DBP: variants seen among roughly 807,000 people sequenced by gnomAD.
DBP encodes the protein D-box binding PAR bZIP transcription factor, also known as D site-binding protein.
Under a neutral mutation model 21.4 loss-of-function variants are expected in DBP, and 12 were observed. The observed-to-expected ratio is 0.56, with a 90% CI of 0.36 to 0.91. The LOEUF is 0.91. Ranked by LOEUF, DBP falls within the 40% of genes least tolerant of loss-of-function variation. The pLI, the probability that DBP is intolerant of heterozygous loss-of-function variation, is 0.01. For missense variants in DBP, 423 were observed against 473.4 expected (o/e 0.89, Z 0.99); for synonymous variants, 213 against 224.9 (o/e 0.95, Z 0.47).
chr19:48,636,816 T>G, intron 1 of DBP, 40 bp downstream of exon 1: 1 of 1,605,426 alleles, frequency 6.2e-7, no homozygotes, highest in Admixed American at 1.7e-5. Context: ...CCTAAGGGGG[T>G]AGGGTGTCCG....
At chr19:48,634,735 C>CT in intron 2 of DBP, 1 of 985,582 alleles carries the variant, frequency 1.0e-6, no homozygotes, top group Non-Finnish European at 1.2e-6. Flanking sequence ...GGGTAGGGCC[C>CT]TGGTTCGGCC....
chr19:48,633,348 AAGG>A (rs1294890313), intron 3 of DBP, 93 bp downstream of exon 3: 10 of 1,313,386 alleles, frequency 7.6e-6, no homozygotes, highest in African/African-American at 2.9e-5. Flanking sequence ...CACTAATCCC[AAGG>A]AGAAGCCCAG....
chr19:48,635,448 C>T, intron 2 of DBP, 132 bp downstream of exon 2: 1 of 1,478,154 alleles, frequency 6.8e-7, no homozygotes, highest in South Asian at 1.2e-5. Context: ...TCCCACGACA[C>T]CTCTCGACAA....
chr19:48,630,255 C>A lies in DBP; in HGVS notation c.*582G>T, dbSNP rs538877340. Reference sequence around the variant, plus strand: ...CCAGGAGGGGCAGGTTCCCCGGGGCCGGCGCTAGGATTTGCACTAATGTTC... The same window carrying A: ...CCAGGAGGGGCAGGTTCCCCGGGGCAGGCGCTAGGATTTGCACTAATGTTC... On this transcript the variant is annotated 3_prime_UTR_variant, in exon 4 of 4. Coordinates refer to ENST00000222122, the MANE Select transcript of DBP (RefSeq NM_001352.5). The surrounding 1 kb of genome is among the most constrained non-coding windows in gnomAD (Gnocchi z 4.9). The A allele has an allele frequency of 7.8e-7, 1 of 1,275,476 alleles. No individual in the cohort carries two copies. The highest frequency in any genetic ancestry group is 2.8e-5 in the South Asian group (1 of 35,524). The allele number at this position is 1,275,476 out of a possible 1,614,324, so 79.0% of individuals were successfully genotyped here. A position where few individuals can be genotyped will look rare whatever the true frequency, so the allele number is the denominator to read the frequency against.
Position 48,636,856 on chromosome 19 carries a change from A to C in DBP, c.139T>G (p.Cys47Gly), listed in dbSNP as rs1424767153. ...GGGTGAGATGGGGGTTAGAACTCACAGCTGGCCGGCTCTTTGGGCTTGCTG... is the reference window on the plus strand; with the variant it reads ...GGGTGAGATGGGGGTTAGAACTCACCGCTGGCCGGCTCTTTGGGCTTGCTG... ...GTSKPKEPAS[C>G]LLKEKERKAA... Residue 47 changes from cysteine (C) to glycine (G), a missense_variant and splice_region_variant, in exon 1 of 4, where the codon TGT (cysteine) becomes GGT (glycine). Transcript: ENST00000222122. 6.2e-7 allele frequency: 1 copy of C among 1,611,014 alleles called. No individual in the cohort carries two copies. Among genetic ancestry groups the C allele is most frequent in the East Asian group, 2.2e-5 (1 of 44,688 alleles).
In DBP at chr19:48,637,118, A is replaced by G; in HGVS notation, c.-124T>C. 1 of 857,016 alleles carries G rather than the reference A, an allele frequency of 1.2e-6. No homozygotes were observed. The highest frequency in any genetic ancestry group is 1.7e-6 in the Non-Finnish European group (1 of 586,872). The allele number at this position is 857,016 out of a possible 1,614,324, so 53.1% of individuals were successfully genotyped here. On this transcript the variant is annotated 5_prime_UTR_variant, in exon 1 of 4. Coordinates refer to ENST00000222122, the MANE Select transcript of DBP (RefSeq NM_001352.5). Reference sequence around the variant, plus strand: ...CAGGGGCGGGCGAGTGTAGCCTGCAACCCTCCAGTATCCAGAACGCTGCAA... The same window carrying G: ...CAGGGGCGGGCGAGTGTAGCCTGCAGCCCTCCAGTATCCAGAACGCTGCAA...
In DBP at chr19:48,635,592, C is replaced by T. The variant is rs898529606; in HGVS notation, c.538G>A (p.Gly180Ser). ...CCCTTCGCCGCACCTGCGCGGTGGC[C>T]GCTGGCGGTCCCGAGGGCAGCCCGG... ...PARAALGTAS[G>S]HRAGLTSRDT... is the part of the protein sequence containing the mutation. The change falls in exon 2 of 4, where the codon GGC becomes AGC. Residue 180 changes from glycine to serine, a missense_variant. Coordinates refer to ENST00000222122, the MANE Select transcript of DBP (RefSeq NM_001352.5). The T allele has an allele frequency of 2.9e-6, 4 of 1,363,106 alleles. No individual in the cohort carries two copies. Among genetic ancestry groups the T allele is most frequent in the Non-Finnish European group, 3.7e-6 (4 of 1,068,174 alleles). The allele number at this position is 1,363,106 out of a possible 1,614,324, so 84.4% of individuals were successfully genotyped here. A position where few individuals can be genotyped will look rare whatever the true frequency, so the allele number is the denominator to read the frequency against.
Position 48,634,658 on chromosome 19 carries a change from G to A in DBP, c.550+922C>T. On this transcript the variant is annotated intron_variant, in intron 2 of 3. Coordinates refer to ENST00000222122, the MANE Select transcript of DBP (RefSeq NM_001352.5). ...CGGCCCCGCCCCCCTCGCGCTTGAA[G>A]GCGCCTGCGCGAAGCGCGGAGGAGG... The A allele has an allele frequency of 1.0e-5, 10 of 983,046 alleles. No individual in the cohort carries two copies. In the South Asian group the frequency reaches 3.3e-4, roughly 32 times the overall value. 60.9% of individuals were successfully genotyped at this position (983,046 alleles called of 1,614,324 possible).
chr19:48,636,273 G>C (rs1366978530), intron 1 of DBP, among the ~76,000 whole-genome samples: 5 of 152,120 alleles, frequency 3.3e-5, no homozygotes, highest in Admixed American at 2.0e-4. Context: ...CAGAGAAAGA[G>C]AGACGGAAGT....
chr19:48,634,725 G>T (rs2030720858), intron 2 of DBP: 1 of 985,568 alleles, frequency 1.0e-6, no homozygotes, highest in South Asian at 4.7e-5. Context: ...CCGCTGGGAA[G>T]GGTAGGGCCC....
chr19:48,633,080 A>G, intron 3 of DBP: 1 of 475,566 alleles, frequency 2.1e-6, no homozygotes, highest in Admixed American at 3.5e-5. Flanking sequence ...TGCAGCCTCA[A>G]TCTCCCAGGC....
intron 3 of DBP, 166 bp from the exon 4 acceptor site, chr19:48,631,218 C>T: frequency 3.2e-6 from 2 of 619,226 alleles, no homozygotes; most frequent in South Asian, 4.0e-5. Flanking sequence ...GATTGGGCCC[C>T]TAGCAACAGT....
chr19:48,636,725 GTAAT>G lies in DBP; in HGVS notation c.139+127_139+130del, dbSNP rs528747160. 252 of 1,149,472 alleles carry G rather than the reference GTAAT, an allele frequency of 2.2e-4. 1 individual carries two copies. In the South Asian group the frequency reaches 3.5e-3, roughly 16 times the overall value. The allele number at this position is 1,149,472 out of a possible 1,614,324, so 71.2% of individuals were successfully genotyped here. ...GGGATCTAGGGGCCTAAACACCTGA[GTAAT>G]TGAGTAGATTAAGGTTGGGAAGATG... On this transcript the variant is annotated intron_variant, in intron 1 of 3. Coordinates refer to ENST00000222122, the MANE Select transcript of DBP (RefSeq NM_001352.5).
intron 2 of DBP, chr19:48,634,754 G>C (rs547393307): frequency 4.1e-6 from 4 of 985,558 alleles, no homozygotes; most frequent in Admixed American, 1.2e-4. Flanking sequence ...CCCGGAGGTC[G>C]GACCTGGAGC....
chr19:48,631,241 T>C (rs2030573135), intron 3 of DBP, 189 bp from the exon 4 acceptor site: 2 of 594,422 alleles, frequency 3.4e-6, no homozygotes, highest in African/African-American at 1.9e-5. Flanking sequence ...AGGCATGAGA[T>C]AGACCCCCCA....
chr19:48,635,604 C>T lies in DBP; in HGVS notation c.526G>A (p.Gly176Arg). 3.7e-6 allele frequency: 5 copies of T among 1,354,074 alleles called. No individual in the cohort carries two copies. Among genetic ancestry groups the T allele is most frequent in the African/African-American group, 1.5e-5 (1 of 64,814 alleles). The allele number at this position is 1,354,074 out of a possible 1,614,324, so 83.9% of individuals were successfully genotyped here. ...CCTGCGCGGTGGCCGCTGGCGGTCC[C>T]GAGGGCAGCCCGGGCGGGGGCGTGC... is the stretch of plus-strand genomic sequence containing the variant. ...PGHAPARAAL[G>R]TASGHRAGLT... Residue 176 changes from glycine to arginine, a missense_variant, in exon 2 of 4, where the codon GGG (glycine) becomes AGG (arginine). Physicochemically the swap from Gly to Arg is moderately radical, Grantham distance 125. This residue lies in a region of DBP where 283 missense variants were observed against 273.7 expected (regional missense o/e 1.03). Transcript: ENST00000222122.
rs1427106208 is a variant in DBP at position 48,630,749 on chromosome 19, GC to G, written c.*87del. On this transcript the variant is annotated 3_prime_UTR_variant, in exon 4 of 4. Transcript: ENST00000222122. This position sits in a 1 kb window ranked among gnomAD's most constrained non-coding sequence, Gnocchi z 4.9. ...CGTCCCTGGGGCACCCAGCTGGCCG[GC>G]CCGTGGGCCACAGGGCAGGAAGGGA... 2 of 1,456,056 alleles carry G rather than the reference GC, an allele frequency of 1.4e-6. No individual in the cohort carries two copies. Among genetic ancestry groups the G allele is most frequent in the South Asian group, 2.6e-5 (2 of 77,226 alleles). The allele number at this position is 1,456,056 out of a possible 1,614,324, so 90.2% of individuals were successfully genotyped here.
intron 3 of DBP, chr19:48,633,021 T>C (rs1601179113): frequency 3.2e-6 from 1 of 313,880 alleles, no homozygotes; most frequent in East Asian, 7.4e-5. Context: ...TAAGACAAGG[T>C]CTCCCTCTGT....
chr19:48,631,197 GTT>G (rs1393592959), intron 3 of DBP, 145 bp from the exon 4 acceptor site: 1 of 676,594 alleles, frequency 1.5e-6, no homozygotes, highest in Non-Finnish European at 2.5e-6. Context: ...TAGGGCCCTG[GTT>G]GCTAAGGAGA....
Sources: allele counts gnomAD v4.1 joint callset (sites outside exome capture counted in the v4.1 genomes callset), GRCh38; gene constraint gnomAD v4.1.1; regional missense constraint gnomAD v4.1.1; non-coding constraint Gnocchi (gnomAD v3.1); transcripts MANE v1.5; gene names NCBI Gene and HGNC (gene_info 2026-07-23, HGNC 2026-07-21).